AUTS2: variants seen among roughly 807,000 people sequenced by gnomAD.
AUTS2 encodes the protein activator of transcription and developmental regulator AUTS2.
Under a neutral mutation model 112.4 loss-of-function variants are expected in AUTS2, and 17 were observed. The ratio of observed to expected loss-of-function variants is 0.15; its 90% CI spans 0.10 to 0.23. The LOEUF is 0.23. Among genes scored for constraint, AUTS2 ranks in the 10% least tolerant of loss-of-function variants. The pLI, the probability that AUTS2 is intolerant of heterozygous loss-of-function variation, is 1.00. For synonymous variants in AUTS2, 751 were observed against 702.7 expected, an observed-to-expected ratio of 1.07 and a Z score of -1.09; for missense variants, 1,510 against 1,701.6, an observed-to-expected ratio of 0.89 and a Z score of 1.98.
intron 2 of AUTS2, among the ~76,000 whole-genome samples, chr7:70,087,406 G>A (rs12698846): frequency 0.26 from 37,345 of 142,146 alleles, 4,704 homozygotes; most frequent in Middle Eastern, 0.38. Flanking sequence ...TCTCACTCTT[G>A]TAGCCCAGTC....
chr7:69,916,792 T>G (rs1305396069), intron 2 of AUTS2, among the ~76,000 whole-genome samples: 1 of 152,224 alleles, frequency 6.6e-6, no homozygotes, highest in Non-Finnish European at 1.5e-5. Flanking sequence ...GCGAGTGCAG[T>G]AGTTCAGGTT....
chr7:70,239,609 A>G (rs112682180), intron 4 of AUTS2, among the ~76,000 whole-genome samples: 14,759 of 152,028 alleles, frequency 0.097, 996 homozygotes, highest in Non-Finnish European at 0.14. Flanking sequence ...CTAATTTTGT[A>G]TTTTTAGTAG....
intron 1 of AUTS2, among the ~76,000 whole-genome samples, chr7:69,697,693 T>C (rs1164506402): frequency 1.3e-5 from 2 of 152,244 alleles, no homozygotes; most frequent in Non-Finnish European, 2.9e-5. Flanking sequence ...GAACTGGCAT[T>C]GTGAGCTCTC....
intron 1 of AUTS2, among the ~76,000 whole-genome samples, chr7:69,646,160 A>G (rs1795012066): frequency 1.3e-5 from 2 of 151,944 alleles, no homozygotes; most frequent in African/African-American, 4.8e-5. Context: ...TTAAACTAGT[A>G]TAATACAACC....
chr7:70,338,650 A>G (rs761139014), intron 4 of AUTS2, among the ~76,000 whole-genome samples: 1 of 152,120 alleles, frequency 6.6e-6, no homozygotes, highest in Non-Finnish European at 1.5e-5. Flanking sequence ...TTCAGGGATG[A>G]GTATTCCCTC....
intron 1 of AUTS2, among the ~76,000 whole-genome samples, chr7:69,662,300 G>A (rs1186607041): frequency 6.6e-6 from 1 of 152,064 alleles, no homozygotes; most frequent in African/African-American, 2.4e-5. Flanking sequence ...TTATAAGGGT[G>A]AGGAGTGTTT....
chr7:70,283,639 A>G (rs66936223), intron 4 of AUTS2, among the ~76,000 whole-genome samples: 29,731 of 152,112 alleles, frequency 0.2, 2,885 homozygotes, highest in Middle Eastern at 0.29. Flanking sequence ...AATATTTTGA[A>G]TCATTTTACT....
At position 70,600,804 on chromosome 7, in the gene AUTS2, CTTG is replaced by C. The variant is rs575663834; in HGVS notation, c.691-97762_691-97760del. ...GAGTAATGCAGTATGTGGCTTTTGT[CTTG>C]TTTCTTAACGTTTTGAGAGTCAGCC... On this transcript the variant is annotated intron_variant, in intron 5 of 18. Coordinates refer to ENST00000342771, the MANE Select transcript of AUTS2 (RefSeq NM_015570.4). 8.1e-3 allele frequency among the ~76,000 whole-genome samples: 1,226 copies of C among 152,252 alleles called. 16 individuals carry two copies. The highest frequency in any genetic ancestry group is 0.028 in the African/African-American group (1,156 of 41,534).
intron 1 of AUTS2, among the ~76,000 whole-genome samples, chr7:69,759,352 A>G (rs1317722870): frequency 6.6e-6 from 1 of 151,982 alleles, no homozygotes; most frequent in East Asian, 1.9e-4. Flanking sequence ...TGCCTCATAC[A>G]CGTAGCTGGA....
At chr7:70,540,261 C>T (rs923954720) in intron 5 of AUTS2, among the ~76,000 whole-genome samples, 1 of 152,074 alleles carries the variant, frequency 6.6e-6, no homozygotes, top group African/African-American at 2.4e-5. Flanking sequence ...ACAGAAAACT[C>T]GGGAGAAGAA....
At chr7:69,613,177 C>G (rs2129081515) in intron 1 of AUTS2, among the ~76,000 whole-genome samples, 1 of 152,238 alleles carries the variant, frequency 6.6e-6, no homozygotes, top group African/African-American at 2.4e-5. Context: ...GCTCCTTATC[C>G]CTTTACTCAT....
chr7:70,776,872 T>C (rs1420145405), intron 13 of AUTS2: 6 of 565,872 alleles, frequency 1.1e-5, no homozygotes, highest in Non-Finnish European at 1.6e-5. Flanking sequence ...CCCTTGTCAA[T>C]GTGGTTTTCT....
intron 4 of AUTS2, among the ~76,000 whole-genome samples, chr7:70,318,699 G>A (rs1790114693): frequency 6.6e-6 from 1 of 152,168 alleles, no homozygotes; most frequent in Admixed American, 6.5e-5. Flanking sequence ...AGAGGCCCAA[G>A]GGCTGTTTGC....
chr7:70,017,333 G>T (rs1800074220), intron 2 of AUTS2, among the ~76,000 whole-genome samples: 2 of 152,188 alleles, frequency 1.3e-5, no homozygotes, highest in South Asian at 4.1e-4. Flanking sequence ...AGATTATATT[G>T]ATCAGAACCA....
intron 5 of AUTS2, among the ~76,000 whole-genome samples, chr7:70,569,202 T>C (rs922178329): frequency 2.6e-5 from 4 of 152,234 alleles, no homozygotes; most frequent in African/African-American, 4.8e-5. Context: ...CCCCATGGAC[T>C]GTCAGAAACA....
At chr7:70,300,353 A>G (rs553282574) in intron 4 of AUTS2, among the ~76,000 whole-genome samples, 5 of 152,324 alleles carry the variant, frequency 3.3e-5, no homozygotes, top group African/African-American at 1.2e-4. Flanking sequence ...GGGTTCCACA[A>G]GCTTGGCCTA....
At chr7:70,507,385 G>GA (rs953226548) in intron 5 of AUTS2, among the ~76,000 whole-genome samples, 1 of 151,284 alleles carries the variant, frequency 6.6e-6, no homozygotes. Flanking sequence ...TTTAAAATTA[G>GA]AAAAAAAAGA....
At chr7:70,118,265 AAAT>A in intron 3 of AUTS2, 32 bp downstream of exon 3, 2 of 1,518,992 alleles carry the variant, frequency 1.3e-6, no homozygotes, top group Non-Finnish European at 1.8e-6. Flanking sequence ...AAAAAAAAAA[AAAT>A]TAACGAAAAC....
At chr7:69,608,901 T>G (rs1449181148) in intron 1 of AUTS2, among the ~76,000 whole-genome samples, 2 of 152,230 alleles carry the variant, frequency 1.3e-5, no homozygotes, top group African/African-American at 4.8e-5. Context: ...TGCTTGACAA[T>G]TACAGTTTTG....
Sources: allele counts gnomAD v4.1 joint callset (sites outside exome capture counted in the v4.1 genomes callset), GRCh38; gene constraint gnomAD v4.1.1; transcripts MANE v1.5; gene names NCBI Gene and HGNC (gene_info 2026-07-23, HGNC 2026-07-21).